LRTM1: variants seen among roughly 807,000 people sequenced by gnomAD.
LRTM1 encodes leucine-rich repeat and transmembrane domain-containing protein 1.
Under a neutral mutation model 32.4 loss-of-function variants are expected in LRTM1, and 38 were observed. That is an observed-to-expected ratio of 1.17 (90% CI 0.91 to 1.54). The LOEUF (loss-of-function observed/expected upper bound fraction) is 1.54, where lower values mean the gene tolerates loss of function less well. LRTM1 is among the 40% of genes most tolerant of loss of function. The probability of loss-of-function intolerance (pLI) is 0.00; values close to 1 mark genes in which losing one functional copy is unlikely to be tolerated. For synonymous variants in LRTM1, 186 were observed against 169.9 expected, an observed-to-expected ratio of 1.09 and a Z score of -0.74; for missense variants, 466 against 415.4, an observed-to-expected ratio of 1.12 and a Z score of -1.06.
At chr3:54,923,677 T>C (rs1158593328) in intron 2 of LRTM1, among the ~76,000 whole-genome samples, 1 of 152,216 alleles carries the variant, frequency 6.6e-6, no homozygotes, top group African/African-American at 2.4e-5. Flanking sequence ...GAATGAATCA[T>C]GCTGAGAGCT....
rs56327704 is a variant in LRTM1, at chr3:54,927,986, A to C, written c.-75T>G. 0.45 allele frequency: 636,763 copies of C among 1,408,104 alleles called. 151,910 individuals are homozygous for C. The highest frequency in any genetic ancestry group is 0.76 in the East Asian group (33,477 of 43,820). 87.2% of individuals were successfully genotyped at this position (1,408,104 alleles called of 1,614,324 possible). On this transcript the variant is annotated 5_prime_UTR_variant, in exon 1 of 3. It removes an upstream start codon present in the reference 5' UTR. Coordinates refer to ENST00000273286, the MANE Select transcript of LRTM1 (RefSeq NM_020678.4). ...ATGTGCAGAGCAACACACGAAGGGC[A>C]TGGCAGACTCAGAGCCCAGCTTTAC...
chr3:54,950,714 C>T (rs1029603235), intron 1 of LRTM1, among the ~76,000 whole-genome samples: 6 of 152,100 alleles, frequency 3.9e-5, no homozygotes, highest in Non-Finnish European at 8.8e-5. Context: ...TTTTACTGCT[C>T]GGCTGTGAGA....
chr3:54,923,089 C>T (rs966623722), intron 2 of LRTM1, among the ~76,000 whole-genome samples: 3 of 152,284 alleles, frequency 2.0e-5, no homozygotes, highest in Admixed American at 2.0e-4. Context: ...CTTCTGCAGC[C>T]TTTCGTCAGT....
chr3:54,925,727 C>T (rs1419772141), intron 1 of LRTM1, among the ~76,000 whole-genome samples: 1 of 152,210 alleles, frequency 6.6e-6, no homozygotes, highest in African/African-American at 2.4e-5. Context: ...GGCTACCGAG[C>T]TCTTGAGATG....
intron 1 of LRTM1, among the ~76,000 whole-genome samples, chr3:54,966,436 G>A (rs975509471): frequency 3.3e-5 from 5 of 152,178 alleles, no homozygotes; most frequent in African/African-American, 9.7e-5. Context: ...GTCTGGCCAC[G>A]TGGCCCACAT....
rs1700965136 is a variant in LRTM1, at chr3:54,924,870, A to G, written c.353T>C (p.Phe118Ser). The G allele has an allele frequency of 1.2e-6, 2 of 1,613,800 alleles. No individual in the cohort carries two copies. The highest frequency in any genetic ancestry group is 1.7e-6 in the Non-Finnish European group (2 of 1,179,742). ...CTCCCTCAGCTGAGGGAGGGAATGG[A>G]AAAGTCTGCTTTCCAGGGAAAGGAG... ...NSLLSLESRL[F>S]HSLPQLRELD... Residue 118 changes from phenylalanine (F) to serine (S), a missense_variant, in exon 2 of 3, where the codon TTC (phenylalanine) becomes TCC (serine). Phe to Ser is a radical substitution (Grantham distance 155, BLOSUM62 -2). Transcript: ENST00000273286.
chr3:54,920,270 T>C (rs948683077), intron 2 of LRTM1, among the ~76,000 whole-genome samples: 33 of 152,144 alleles, frequency 2.2e-4, no homozygotes, highest in African/African-American at 7.5e-4. Flanking sequence ...ACAAGATAAG[T>C]CATAAGTGGC....
chr3:54,931,490 T>C (rs1213319196), upstream of LRTM1, among the ~76,000 whole-genome samples: 1 of 151,992 alleles, frequency 6.6e-6, no homozygotes, highest in Non-Finnish European at 1.5e-5. Context: ...ATCCAAGAGG[T>C]GGCAAGACAG....
At chr3:54,957,597 G>T (rs1387002534) in intron 1 of LRTM1, among the ~76,000 whole-genome samples, 2 of 152,198 alleles carry the variant, frequency 1.3e-5, no homozygotes, top group Admixed American at 1.3e-4. Flanking sequence ...GAGGTCTGGT[G>T]TGTGTGTTAG....
intron 1 of LRTM1, among the ~76,000 whole-genome samples, chr3:54,941,656 G>A (rs1484322050): frequency 1.3e-5 from 2 of 152,178 alleles, no homozygotes; most frequent in African/African-American, 4.8e-5. Flanking sequence ...TTAATGGTTT[G>A]TGGGATGTTA....
At chr3:54,962,147 C>G (rs1702045355) in intron 1 of LRTM1, among the ~76,000 whole-genome samples, 1 of 152,178 alleles carries the variant, frequency 6.6e-6, no homozygotes, top group Admixed American at 6.5e-5. Flanking sequence ...AGTGCCACCT[C>G]TTAATACTGC....
At chr3:54,930,326 C>T (rs1254499918), upstream of LRTM1, among the ~76,000 whole-genome samples, 3 of 152,178 alleles carry the variant, frequency 2.0e-5, no homozygotes, top group Non-Finnish European at 4.4e-5. Context: ...GTAAGATGAT[C>T]TTTAAGGCCT....
chr3:54,918,465 T>A lies in LRTM1; in HGVS notation c.1032A>T (p.Pro344=), dbSNP rs764950747. The change falls in exon 3 of 3, where the codon CCA becomes CCT. Residue 344 remains proline, a synonymous_variant. Transcript: ENST00000273286. The stretch of plus-strand genomic sequence containing the variant: ...CTATTTGAGACAAAAGCTCTCAGGC[T>A]GGTGAGCTGTCAAATCGCTCTTTTT... ...VEEKERFDSS[P]A is the part of the protein sequence containing the mutation. The A allele has an allele frequency of 6.2e-7, 1 of 1,612,456 alleles. No homozygotes were observed. The highest frequency in any genetic ancestry group is 8.5e-7 in the Non-Finnish European group (1 of 1,179,212).
intron 1 of LRTM1, among the ~76,000 whole-genome samples, chr3:54,941,770 G>A (rs760584543): frequency 5.9e-5 from 9 of 152,174 alleles, no homozygotes; most frequent in Admixed American, 4.6e-4. Context: ...TCTAGAGGAA[G>A]GGACATTAAG....
At chr3:54,922,401 A>T (rs966369165) in intron 2 of LRTM1, among the ~76,000 whole-genome samples, 10 of 151,770 alleles carry the variant, frequency 6.6e-5, no homozygotes, top group Admixed American at 2.6e-4. Context: ...CTTACAATTT[A>T]ATCCACAATA....
chr3:54,939,707 C>T (rs1056047151), intron 1 of LRTM1, among the ~76,000 whole-genome samples: 2 of 152,236 alleles, frequency 1.3e-5, no homozygotes, highest in Admixed American at 6.5e-5. Flanking sequence ...TCAGAAGCCG[C>T]CCCTGCAGGC....
upstream of LRTM1, among the ~76,000 whole-genome samples, chr3:54,932,916 G>A (rs1209159234): frequency 1.3e-5 from 2 of 152,198 alleles, no homozygotes; most frequent in Non-Finnish European, 1.5e-5. Flanking sequence ...TAGAAAGAAA[G>A]TTTGACATTG....
At chr3:54,943,657 T>A (rs1158328598) in intron 1 of LRTM1, among the ~76,000 whole-genome samples, 1 of 152,214 alleles carries the variant, frequency 6.6e-6, no homozygotes, top group East Asian at 1.9e-4. Flanking sequence ...TTCCCCCATG[T>A]GTTTCATCAG....
At chr3:54,927,575 AGCC>A (rs1260637989) in intron 1 of LRTM1, among the ~76,000 whole-genome samples, 3 of 152,174 alleles carry the variant, frequency 2.0e-5, no homozygotes, top group Non-Finnish European at 4.4e-5. Flanking sequence ...CTGAGATTGT[AGCC>A]AATTTGTTCA....
Sources: gnomAD v4.1 joint callset for allele counts (sites outside exome capture counted in the v4.1 genomes callset) on GRCh38, gnomAD v4.1.1 for gene constraint, MANE v1.5 for transcripts, NCBI Gene and HGNC (gene_info 2026-07-23, HGNC 2026-07-21) for gene names.